Variants in STK3 observed in about 807,000 individuals in gnomAD.
The protein encoded by STK3 is serine/threonine kinase 3.
Under a neutral mutation model 58.0 loss-of-function variants are expected in STK3, and 41 were observed. The observed-to-expected ratio is 0.71, with a 90% CI of 0.55 to 0.92. The LOEUF is 0.92. Among genes scored for constraint, STK3 ranks in the 40% least tolerant of loss-of-function variants. The probability of loss-of-function intolerance (pLI) is 0.00; values close to 1 mark genes in which losing one functional copy is unlikely to be tolerated. For synonymous variants in STK3, 170 were observed against 191.0 expected, an observed-to-expected ratio of 0.89 and a Z score of 0.91; for missense variants, 479 against 602.7, an observed-to-expected ratio of 0.79 and a Z score of 2.15.
chr8:98,506,012 T>G (rs553879506), intron 10 of STK3, among the ~76,000 whole-genome samples: 13 of 152,348 alleles, frequency 8.5e-5, no homozygotes, highest in Admixed American at 5.2e-4. Context: ...AGGTGGGGTC[T>G]ATAGAGTCAG....
chr8:98,899,414 A>T (rs1838575312), intron 1 of STK3, among the ~76,000 whole-genome samples: 1 of 152,186 alleles, frequency 6.6e-6, no homozygotes, highest in African/African-American at 2.4e-5. Flanking sequence ...TCTGGAAAAA[A>T]ATTGTATCTA....
Position 98,552,546 on chromosome 8 carries a change from T to C in STK3, c.949-4385A>G, listed in dbSNP as rs147092244. On this transcript the variant is annotated intron_variant, in intron 8 of 10. Coordinates refer to ENST00000419617, the MANE Select transcript of STK3 (RefSeq NM_006281.4). The stretch of plus-strand genomic sequence containing the variant: ...CTTCCTTTTGAGCCTTTAAATTGGC[T>C]GATCTCTCAGACTGGAATGCTCATC... Among the ~76,000 whole-genome samples the C allele has an allele frequency of 4.5e-3, 680 of 152,256 alleles. 7 individuals are homozygous for C. Among genetic ancestry groups the C allele is most frequent in the African/African-American group, 0.015 (633 of 41,576 alleles).
intron 1 of STK3, among the ~76,000 whole-genome samples, chr8:98,899,461 T>G (rs1405643790): frequency 6.6e-6 from 1 of 152,230 alleles, no homozygotes; most frequent in Non-Finnish European, 1.5e-5. Context: ...TTGTTGTGAT[T>G]TCCTAAACAA....
rs530885109 is a variant in STK3 at position 98,664,500 on chromosome 8, C to T, written c.684+41967G>A. The stretch of plus-strand genomic sequence containing the variant: ...ACAGACTAATAATACTATTGCTGTA[C>T]AATGCCAAATAATAAATATTCTACG... On this transcript the variant is annotated intron_variant, in intron 6 of 10. Coordinates refer to ENST00000419617, the MANE Select transcript of STK3 (RefSeq NM_006281.4). Among the ~76,000 whole-genome samples, 3 of 152,240 alleles carry T rather than the reference C, an allele frequency of 2.0e-5. No homozygotes were observed. In the South Asian group the frequency reaches 6.2e-4, roughly 32 times the overall value.
intron 10 of STK3, among the ~76,000 whole-genome samples, chr8:98,500,069 T>C (rs554268868): frequency 2.0e-4 from 30 of 152,262 alleles, no homozygotes; most frequent in African/African-American, 6.7e-4. Flanking sequence ...TCTTGAGATA[T>C]GGAGATTATC....
intron 10 of STK3, among the ~76,000 whole-genome samples, chr8:98,505,795 G>A (rs1824012417): frequency 6.6e-6 from 1 of 152,128 alleles, no homozygotes; most frequent in South Asian, 2.1e-4. Context: ...ATCTGGCTGT[G>A]TGAGGTGTCA....
At chr8:98,903,532 C>A (rs1050369233) in intron 1 of STK3, among the ~76,000 whole-genome samples, 6 of 30,046 alleles carry the variant, frequency 2.0e-4, no homozygotes, top group African/African-American at 1.1e-3. Flanking sequence ...TCTTCTTCTT[C>A]TTCTTCTTCT....
chr8:98,703,556 T>C (rs947704734), intron 6 of STK3, among the ~76,000 whole-genome samples: 20 of 152,212 alleles, frequency 1.3e-4, no homozygotes, highest in African/African-American at 4.6e-4. Flanking sequence ...ACATGACGGC[T>C]ATGCAGCAAG....
intron 1 of STK3, among the ~76,000 whole-genome samples, chr8:98,776,214 A>T (rs1831666956): frequency 6.6e-6 from 1 of 152,222 alleles, no homozygotes. Flanking sequence ...CAGAAGGCAC[A>T]CTAAGTGTAA....
intron 6 of STK3, among the ~76,000 whole-genome samples, chr8:98,685,894 G>A (rs1044154425): frequency 1.3e-5 from 2 of 152,082 alleles, no homozygotes; most frequent in Middle Eastern, 3.4e-3. Context: ...ATAAGGGCAG[G>A]TTCAAGGGAG....
chr8:98,753,092 T>C (rs971380834), intron 3 of STK3, among the ~76,000 whole-genome samples: 2 of 152,160 alleles, frequency 1.3e-5, no homozygotes, highest in African/African-American at 2.4e-5. Flanking sequence ...AGAAATACCA[T>C]TCAACCTAGC....
At chr8:98,359,533 A>AAAG in the STK3 span, among the ~76,000 whole-genome samples, 25,166 of 141,340 alleles carry the variant, frequency 0.18, 2,469 homozygotes, top group South Asian at 0.29. Context: ...AAAAAAAAAA[A>AAAG]AAAGAAAGAA....
chr8:98,546,141 A>G (rs1397552241), intron 9 of STK3, among the ~76,000 whole-genome samples: 1 of 152,192 alleles, frequency 6.6e-6, no homozygotes, highest in African/African-American at 2.4e-5. Flanking sequence ...TTATCTGTTC[A>G]ACTTCAAAAT....
intron 2 of STK3, among the ~76,000 whole-genome samples, chr8:98,378,887 T>C (rs1396448739): frequency 6.6e-6 from 1 of 152,156 alleles, no homozygotes; most frequent in African/African-American, 2.4e-5. Context: ...TTGATCCCCA[T>C]GGGCCTTTTG....
chr8:98,431,161 T>A (rs778135373), intron 3 of STK3: 1 of 167,110 alleles, frequency 6.0e-6, no homozygotes, highest in Non-Finnish European at 1.5e-5. Flanking sequence ...ACTTACCTCA[T>A]TGGAGGTGTG....
At chr8:98,857,121 A>G (rs1161789033) in intron 3 of STK3, among the ~76,000 whole-genome samples, 2 of 152,230 alleles carry the variant, frequency 1.3e-5, no homozygotes, top group East Asian at 3.8e-4. Context: ...GATGATGAAC[A>G]TGTTCTAAAA....
intron 3 of STK3, among the ~76,000 whole-genome samples, chr8:98,868,141 A>G (rs975740651): frequency 1.3e-5 from 2 of 152,338 alleles, no homozygotes; most frequent in Middle Eastern, 3.4e-3. Flanking sequence ...TACACCTCCA[A>G]TGTATAATCC....
At position 98,804,039 on chromosome 8, in the gene STK3, T is replaced by C. The variant is rs556260214; in HGVS notation, c.26+21476A>G. Among the ~76,000 whole-genome samples, 9 of 152,240 alleles carry C rather than the reference T, an allele frequency of 5.9e-5. 1 individual carries two copies. In the South Asian group the frequency reaches 1.9e-3, roughly 32 times the overall value. ...TTTTTTGAGACAGAGTCTCACTCTG[T>C]TGCCTAGGCTGGAGTGCAGTGGTGC... is the stretch of plus-strand genomic sequence containing the variant. On this transcript the variant is annotated intron_variant, in intron 1 of 10. Coordinates refer to ENST00000419617, the MANE Select transcript of STK3 (RefSeq NM_006281.4).
the STK3 span, among the ~76,000 whole-genome samples, chr8:98,349,745 A>AG: frequency 2.0e-5 from 3 of 152,120 alleles, no homozygotes; most frequent in Non-Finnish European, 4.4e-5. Context: ...TGGGACTTGC[A>AG]CCCTCTGAAG....
Sources: allele counts gnomAD v4.1 joint callset (sites outside exome capture counted in the v4.1 genomes callset), GRCh38; gene constraint gnomAD v4.1.1; transcripts MANE v1.5; gene names NCBI Gene and HGNC (gene_info 2026-07-23, HGNC 2026-07-21).